The following TMTC1 variants were observed in gnomAD, a reference collection of about 807,000 sequenced individuals.
TMTC1 encodes the protein protein O-mannosyl-transferase TMTC1.
TMTC1 carries 73 observed loss-of-function variants against 104.8 expected under a neutral mutation model. The ratio of observed to expected loss-of-function variants is 0.70; its 90% CI spans 0.58 to 0.85. The LOEUF is 0.85. Among genes scored for constraint, TMTC1 ranks in the 40% least tolerant of loss-of-function variants. TMTC1 has a pLI of 0.00. For synonymous variants in TMTC1, 434 were observed against 428.7 expected, an observed-to-expected ratio of 1.01 and a Z score of -0.15; for missense variants, 1,035 against 1,096.1, an observed-to-expected ratio of 0.94 and a Z score of 0.79.
At chr12:29,717,261 G>A (rs1408699879) in intron 5 of TMTC1, among the ~76,000 whole-genome samples, 7 of 152,184 alleles carry the variant, frequency 4.6e-5, no homozygotes, top group Non-Finnish European at 1.0e-4. Context: ...ATATAAATGT[G>A]AGAAGGCGTT....
At chr12:29,619,802 C>G (rs1947083022) in intron 6 of TMTC1, among the ~76,000 whole-genome samples, 1 of 152,142 alleles carries the variant, frequency 6.6e-6, no homozygotes, top group South Asian at 2.1e-4. Flanking sequence ...ATGTTATATT[C>G]TGCCCTTCTG....
chr12:29,561,719 T>C (rs2136274557), intron 9 of TMTC1, among the ~76,000 whole-genome samples: 1 of 152,346 alleles, frequency 6.6e-6, no homozygotes, highest in African/African-American at 2.4e-5. Flanking sequence ...TTACTTTTCA[T>C]TATCTGAGTG....
intron 5 of TMTC1, among the ~76,000 whole-genome samples, chr12:29,639,076 T>C (rs1407923725): frequency 6.6e-6 from 1 of 152,214 alleles, no homozygotes; most frequent in Non-Finnish European, 1.5e-5. Context: ...AAACTTCACT[T>C]GAATTCATTA....
At chr12:29,593,929 G>A (rs1946345465) in intron 7 of TMTC1, among the ~76,000 whole-genome samples, 2 of 152,192 alleles carry the variant, frequency 1.3e-5, no homozygotes, top group African/African-American at 4.8e-5. Flanking sequence ...TGTGGTTGAA[G>A]GTGTGAGAAA....
At chr12:29,540,912 G>T (rs779298733) in intron 10 of TMTC1, among the ~76,000 whole-genome samples, 1 of 151,778 alleles carries the variant, frequency 6.6e-6, no homozygotes, top group African/African-American at 2.4e-5. Context: ...GGAGAATGGC[G>T]TGAACCTGGG....
intron 5 of TMTC1, among the ~76,000 whole-genome samples, chr12:29,680,396 G>A (rs2052678): frequency 0.22 from 33,021 of 151,950 alleles, 3,764 homozygotes; most frequent in East Asian, 0.38. Flanking sequence ...TTTCCAGGTC[G>A]GAGGTAGAAA....
At chr12:29,589,058 C>G (rs1232767474) in intron 7 of TMTC1, among the ~76,000 whole-genome samples, 1 of 152,226 alleles carries the variant, frequency 6.6e-6, no homozygotes, top group Non-Finnish European at 1.5e-5. Flanking sequence ...AAAAGCTTAA[C>G]TATCTCCACA....
chr12:29,718,830 G>A (rs753016486), intron 5 of TMTC1, among the ~76,000 whole-genome samples: 2 of 151,596 alleles, frequency 1.3e-5, no homozygotes, highest in African/African-American at 2.4e-5. Flanking sequence ...ATACTTGGGA[G>A]GCTGAGGCAG....
intron 6 of TMTC1, among the ~76,000 whole-genome samples, chr12:29,605,436 T>G (rs1592309599): frequency 6.6e-6 from 1 of 151,848 alleles, no homozygotes; most frequent in African/African-American, 2.4e-5. Context: ...ATTTGGACAG[T>G]TGCCCTTAAA....
intron 5 of TMTC1, among the ~76,000 whole-genome samples, chr12:29,637,083 G>GAAAA (rs201226588): frequency 5.1e-5 from 3 of 58,564 alleles, no homozygotes; most frequent in Admixed American, 2.2e-4. Flanking sequence ...AACAAAATGA[G>GAAAA]AAACACACAC....
At chr12:29,688,395 A>G (rs1195498375) in intron 5 of TMTC1, among the ~76,000 whole-genome samples, 1 of 152,222 alleles carries the variant, frequency 6.6e-6, no homozygotes, top group Non-Finnish European at 1.5e-5. Context: ...TCTACCAAGT[A>G]ATTTGGATCC....
intron 4 of TMTC1, among the ~76,000 whole-genome samples, chr12:29,753,115 G>T (rs1943130956): frequency 6.6e-6 from 1 of 152,084 alleles, no homozygotes; most frequent in South Asian, 2.1e-4. Flanking sequence ...TTCTATTACT[G>T]TTTCTTTCCT....
At chr12:29,523,894 G>A (rs1198373306) in intron 11 of TMTC1, among the ~76,000 whole-genome samples, 6 of 151,956 alleles carry the variant, frequency 3.9e-5, no homozygotes, top group African/African-American at 1.5e-4. Flanking sequence ...CTGGTCTGCT[G>A]GGGCCTATTG....
chr12:29,619,768 G>A (rs770156403), intron 6 of TMTC1, among the ~76,000 whole-genome samples: 4 of 152,182 alleles, frequency 2.6e-5, no homozygotes, highest in Non-Finnish European at 4.4e-5. Flanking sequence ...CTTGATAAAC[G>A]TTCAGTCTTA....
chr12:29,623,585 C>T (rs781182422), intron 6 of TMTC1, among the ~76,000 whole-genome samples: 14 of 152,098 alleles, frequency 9.2e-5, no homozygotes, highest in East Asian at 1.9e-4. Flanking sequence ...GAGGCCGAGG[C>T]GGGTGGATCA....
chr12:29,716,518 T>C (rs1032627649), intron 5 of TMTC1, among the ~76,000 whole-genome samples: 1 of 152,106 alleles, frequency 6.6e-6, no homozygotes, highest in Non-Finnish European at 1.5e-5. Flanking sequence ...ATATTCATAA[T>C]TAATACAGAA....
At chr12:29,573,932 G>A (rs1945750622) in intron 8 of TMTC1, among the ~76,000 whole-genome samples, 2 of 152,092 alleles carry the variant, frequency 1.3e-5, no homozygotes, top group South Asian at 2.1e-4. Context: ...TCTGGCTGCA[G>A]TGCATGGAGA....
rs1946243829 is a variant in TMTC1 at position 29,590,230 on chromosome 12, C to G, written c.1251-6656G>C. ...TGAGGAATGAAGCCCTTTTCATTAT[C>G]AGGCCCAGAGAAGCATTAAAATGAG... On this transcript the variant is annotated intron_variant, in intron 7 of 17. Transcript: ENST00000539277. Among the ~76,000 whole-genome samples, 3 of 151,652 alleles carry G rather than the reference C, an allele frequency of 2.0e-5. No individual in the cohort carries two copies. The South Asian group carries it at 6.3e-4, about 32-fold the overall frequency.
chr12:29,690,010 T>C (rs979291413), intron 5 of TMTC1, among the ~76,000 whole-genome samples: 1 of 152,202 alleles, frequency 6.6e-6, no homozygotes, highest in African/African-American at 2.4e-5. Flanking sequence ...CACACTTAGG[T>C]GTATCTGTGC....
Sources: gnomAD v4.1 joint callset for allele counts (sites outside exome capture counted in the v4.1 genomes callset) on GRCh38, gnomAD v4.1.1 for gene constraint, MANE v1.5 for transcripts, NCBI Gene and HGNC (gene_info 2026-07-23, HGNC 2026-07-21) for gene names.